CDH13: variants seen among roughly 807,000 people sequenced by gnomAD.
CDH13 encodes the protein cadherin-13.
Under a neutral mutation model 63.8 loss-of-function variants are expected in CDH13, and 24 were observed. The observed-to-expected ratio is 0.38, with a 90% CI of 0.27 to 0.53. The LOEUF is 0.53. Among genes scored for constraint, CDH13 ranks in the 20% least tolerant of loss-of-function variants. CDH13 has a pLI of 0.85. For synonymous variants in CDH13, 503 were observed against 355.3 expected, an observed-to-expected ratio of 1.42 and a Z score of -4.67; for missense variants, 1,049 against 903.1, an observed-to-expected ratio of 1.16 and a Z score of -2.07.
chr16:83,697,777 A>G (rs1905606050), intron 10 of CDH13, among the ~76,000 whole-genome samples: 1 of 152,204 alleles, frequency 6.6e-6, no homozygotes, highest in African/African-American at 2.4e-5. Context: ...CCTCCTGAGT[A>G]GCTGGGATTA....
chr16:83,646,712 A>AAAACACACAC (rs1168012793), intron 8 of CDH13, among the ~76,000 whole-genome samples: 1 of 80,526 alleles, frequency 1.2e-5, no homozygotes, highest in African/African-American at 4.5e-5. Flanking sequence ...AAAAAAAAAA[A>AAAACACACAC]ACACACACAC....
intron 5 of CDH13, among the ~76,000 whole-genome samples, chr16:83,224,602 C>G (rs1262284125): frequency 6.6e-6 from 1 of 152,192 alleles, no homozygotes; most frequent in Admixed American, 6.5e-5. Context: ...GGCTTTGGAG[C>G]CAGACCTACG....
In CDH13 at chr16:82,894,858, T is replaced by C. The variant is rs142139263; in HGVS notation, c.157+36385T>C. On this transcript the variant is annotated intron_variant, in intron 2 of 13. Transcript: ENST00000567109. ...GTGTGCTCTAACCAGAGAGGAAGAC[T>C]ATGGCGAAGGCCTTGGTGAGTCTGA... Among the ~76,000 whole-genome samples, 283 of 152,214 alleles carry C rather than the reference T, an allele frequency of 1.9e-3. 5 individuals carry two copies. Among genetic ancestry groups the C allele is most frequent in the East Asian group, 0.018 (92 of 5,160 alleles).
chr16:82,976,862 G>T (rs964745482), intron 2 of CDH13, among the ~76,000 whole-genome samples: 1 of 152,144 alleles, frequency 6.6e-6, no homozygotes. Flanking sequence ...AGGCCGGGCT[G>T]CATTTGGTGA....
At chr16:83,332,495 C>T (rs1028996478) in intron 5 of CDH13, among the ~76,000 whole-genome samples, 1 of 152,174 alleles carries the variant, frequency 6.6e-6, no homozygotes, top group African/African-American at 2.4e-5. Context: ...GCATTTATTT[C>T]TATTCCTCTG....
chr16:83,307,595 G>T (rs550428380), intron 5 of CDH13, among the ~76,000 whole-genome samples: 4 of 152,142 alleles, frequency 2.6e-5, no homozygotes, highest in African/African-American at 9.7e-5. Flanking sequence ...TTGGGGTTTC[G>T]TTATGTTTGG....
chr16:83,582,802 A>G (rs1175201909), intron 7 of CDH13, among the ~76,000 whole-genome samples: 1 of 152,240 alleles, frequency 6.6e-6, no homozygotes, highest in East Asian at 1.9e-4. Flanking sequence ...GACCTTAAGC[A>G]GAGTCCGATC....
intron 1 of CDH13, among the ~76,000 whole-genome samples, chr16:82,730,233 C>T (rs8044520): frequency 0.092 from 14,020 of 152,228 alleles, 758 homozygotes; most frequent in East Asian, 0.22. Context: ...AGCTTTTGGC[C>T]GGTCTTGGCT....
chr16:82,908,495 C>G (rs974311283), intron 2 of CDH13, among the ~76,000 whole-genome samples: 21 of 152,200 alleles, frequency 1.4e-4, no homozygotes, highest in Admixed American at 7.2e-4. Flanking sequence ...GCATGGGCAT[C>G]AGATGAAGGC....
intron 4 of CDH13, among the ~76,000 whole-genome samples, chr16:83,134,443 G>A (rs2036187144): frequency 1.3e-5 from 2 of 151,958 alleles, no homozygotes; most frequent in South Asian, 2.1e-4. Flanking sequence ...ACCTGCCTCG[G>A]CCTCCCAAAG....
chr16:83,693,658 ACTG>A (rs1245165432), intron 10 of CDH13, among the ~76,000 whole-genome samples: 2 of 152,174 alleles, frequency 1.3e-5, no homozygotes, highest in Non-Finnish European at 2.9e-5. Context: ...TGAATGGCGA[ACTG>A]CTATTAAATG....
intron 4 of CDH13, among the ~76,000 whole-genome samples, chr16:83,173,666 CA>C (rs2038012266): frequency 6.6e-6 from 1 of 152,036 alleles, no homozygotes; most frequent in South Asian, 2.1e-4. Flanking sequence ...TTTTTATTTG[CA>C]AAATTTGGCA....
At chr16:82,692,925 A>G (rs1227566573) in intron 1 of CDH13, among the ~76,000 whole-genome samples, 2 of 152,156 alleles carry the variant, frequency 1.3e-5, no homozygotes, top group Non-Finnish European at 2.9e-5. Flanking sequence ...TCTAGCCAAT[A>G]GAGTACCTCA....
intron 3 of CDH13, among the ~76,000 whole-genome samples, chr16:83,096,887 C>A (rs967575325): frequency 6.6e-6 from 1 of 152,054 alleles, no homozygotes; most frequent in African/African-American, 2.4e-5. Flanking sequence ...ATTGTCCTTG[C>A]CTTTGAAAGT....
intron 1 of CDH13, among the ~76,000 whole-genome samples, chr16:82,722,298 C>T (rs1364664942): frequency 2.0e-5 from 3 of 152,102 alleles, no homozygotes; most frequent in Non-Finnish European, 4.4e-5. Flanking sequence ...GGTTTCTCTC[C>T]ATCTCTTGGC....
chr16:83,284,702 A>C (rs2151859615), intron 5 of CDH13, among the ~76,000 whole-genome samples: 1 of 152,188 alleles, frequency 6.6e-6, no homozygotes, highest in African/African-American at 2.4e-5. Context: ...AGTAAATATA[A>C]GTATAGTGAA....
intron 6 of CDH13, among the ~76,000 whole-genome samples, chr16:83,418,490 G>A (rs2071618306): frequency 1.3e-5 from 2 of 152,192 alleles, no homozygotes; most frequent in South Asian, 2.1e-4. Context: ...TCATAGGTCA[G>A]TAGGTTGTTC....
At chr16:83,377,009 G>C (rs765126698) in intron 6 of CDH13, among the ~76,000 whole-genome samples, 2 of 152,126 alleles carry the variant, frequency 1.3e-5, no homozygotes, top group African/African-American at 2.4e-5. Context: ...TATGAACAGA[G>C]AGGTCAAGGA....
intron 5 of CDH13, among the ~76,000 whole-genome samples, chr16:83,341,989 C>CCCCCCACACACACA (rs767233245): frequency 4.3e-5 from 6 of 138,072 alleles, no homozygotes; most frequent in Non-Finnish European, 9.3e-5. Flanking sequence ...GTGTCCCCTG[C>CCCCCCACACACACA]CACACACACA....
Sources: allele counts gnomAD v4.1 joint callset (sites outside exome capture counted in the v4.1 genomes callset), GRCh38; gene constraint gnomAD v4.1.1; transcripts MANE v1.5; gene names NCBI Gene and HGNC (gene_info 2026-07-23, HGNC 2026-07-21).